Variants in STAG1 observed in about 807,000 individuals in gnomAD.
The protein encoded by STAG1 is cohesin subunit SA-1.
A neutral mutation model predicts 170.9 loss-of-function variants in STAG1; 26 were observed. The observed-to-expected ratio is 0.15, with a 90% CI of 0.11 to 0.21. STAG1 has a LOEUF of 0.21. Ranked by LOEUF, STAG1 falls within the 10% of genes least tolerant of loss-of-function variation. The pLI is 1.00. For synonymous variants in STAG1, 514 were observed against 497.7 expected (o/e 1.03, Z -0.44); for missense variants, 964 against 1,509.5 (o/e 0.64, Z 5.99).
chr3:136,669,436 C>T (rs1414691157), intron 1 of STAG1, among the ~76,000 whole-genome samples: 1 of 152,158 alleles, frequency 6.6e-6, no homozygotes. Flanking sequence ...TCACTGCAGC[C>T]TTGAACCCCC....
intron 1 of STAG1, among the ~76,000 whole-genome samples, chr3:136,657,507 T>C (rs922516098): frequency 1.3e-5 from 2 of 152,086 alleles, no homozygotes; most frequent in African/African-American, 4.8e-5. Context: ...ACAGTTCATA[T>C]ATACTCACAT....
At chr3:136,732,190 C>T (rs927092955) in intron 1 of STAG1, among the ~76,000 whole-genome samples, 2 of 145,792 alleles carry the variant, frequency 1.4e-5, no homozygotes, top group Admixed American at 1.4e-4. Context: ...TGTTCTTCTA[C>T]ACCATGTTGC....
At chr3:136,477,961 T>G (rs1188044121) in intron 9 of STAG1, among the ~76,000 whole-genome samples, 3 of 152,030 alleles carry the variant, frequency 2.0e-5, no homozygotes, top group South Asian at 2.1e-4. Context: ...GAGTAATTTT[T>G]GTATTTTTAG....
chr3:136,490,477 G>T (rs1390554941), intron 9 of STAG1, among the ~76,000 whole-genome samples: 1 of 152,152 alleles, frequency 6.6e-6, no homozygotes, highest in East Asian at 1.9e-4. Flanking sequence ...CAGAGAAGGT[G>T]TATGGCTATC....
chr3:136,617,615 A>G (rs1191804984), intron 3 of STAG1, among the ~76,000 whole-genome samples: 2 of 152,174 alleles, frequency 1.3e-5, no homozygotes, highest in Non-Finnish European at 2.9e-5. Flanking sequence ...TGGTACTTTT[A>G]CTCTCTATTT....
intron 6 of STAG1, among the ~76,000 whole-genome samples, chr3:136,528,076 A>G (rs993850054): frequency 1.3e-5 from 2 of 151,986 alleles, no homozygotes; most frequent in Non-Finnish European, 2.9e-5. Context: ...CAGATCTCAA[A>G]CTCCGTGCTG....
chr3:136,456,370 A>G (rs1392526468), intron 13 of STAG1, among the ~76,000 whole-genome samples: 2 of 152,232 alleles, frequency 1.3e-5, no homozygotes, highest in African/African-American at 4.8e-5. Context: ...AACTGAAGTG[A>G]AAAACTCACT....
intron 1 of STAG1, among the ~76,000 whole-genome samples, chr3:136,665,206 T>A (rs1463658461): frequency 2.0e-5 from 3 of 152,210 alleles, no homozygotes; most frequent in Non-Finnish European, 4.4e-5. Context: ...ATTAAGGACT[T>A]CTGAGCTGAA....
At chr3:136,555,504 T>C (rs2107744306) in intron 5 of STAG1, among the ~76,000 whole-genome samples, 1 of 151,720 alleles carries the variant, frequency 6.6e-6, no homozygotes, top group East Asian at 1.9e-4. Context: ...GCCAATATGG[T>C]GAAACCCTAT....
intron 5 of STAG1, among the ~76,000 whole-genome samples, chr3:136,558,467 G>C (rs1383490955): frequency 3.3e-5 from 5 of 152,154 alleles, no homozygotes; most frequent in African/African-American, 1.2e-4. Context: ...ATTTGTAGAA[G>C]ACTTTACACA....
chr3:136,372,956 C>T (rs564028691), intron 23 of STAG1, among the ~76,000 whole-genome samples: 12 of 152,190 alleles, frequency 7.9e-5, no homozygotes, highest in Admixed American at 2.6e-4. Context: ...TGGTAGAATT[C>T]GGCTGTGAAT....
chr3:136,521,369 A>T lies in STAG1; in HGVS notation c.520T>A (p.Phe174Ile), dbSNP rs1316698327. 1.9e-6 allele frequency: 3 copies of T among 1,613,438 alleles called. No homozygotes were observed. In the African/African-American group the frequency reaches 4.0e-5, roughly 22 times the overall value. The change falls in exon 7 of 34, where the codon TTT (phenylalanine) becomes ATT (isoleucine). Residue 174 changes from phenylalanine (F) to isoleucine (I), a missense_variant. Phe to Ile is a conservative substitution (Grantham distance 21). Around this residue, in one of 11 missense-constraint regions of STAG1, gnomAD observed 40 missense variants for 44.1 expected, o/e 0.91. Transcript: ENST00000383202. ...ATAAATTCACAAAAGTTTGAACGAA[A>T]TTTTTTCCACTGAGGTCCAGGCATG... is the stretch of plus-strand genomic sequence containing the variant. ...LTMPGPQWKK[F>I]RSNFCEFIGV... is the part of the protein sequence containing the mutation.
intron 1 of STAG1, among the ~76,000 whole-genome samples, chr3:136,648,374 T>C (rs1436949333): frequency 1.3e-5 from 2 of 152,230 alleles, no homozygotes; most frequent in Non-Finnish European, 2.9e-5. Flanking sequence ...CCTTTAGTTA[T>C]GTTAGGTAGT....
Position 136,405,231 on chromosome 3 carries a change from C to CTT in STAG1, c.2197-6404_2197-6403dup, listed in dbSNP as rs554475207. ...AATAAATAAACACATGAAAAAACCT[C>CTT]TTTTTTTTTTTTTTTTTTTTTTTTT... On this transcript the variant is annotated intron_variant, in intron 21 of 33. Transcript: ENST00000383202. 9.0e-4 allele frequency among the ~76,000 whole-genome samples: 55 copies of CTT among 60,900 alleles called. 6 individuals are homozygous for CTT. The highest frequency in any genetic ancestry group is 1.7e-3 in the African/African-American group (39 of 22,640). The allele number at this position is 60,900 out of a possible 152,430, so 40.0% of individuals were successfully genotyped here.
intron 1 of STAG1, among the ~76,000 whole-genome samples, chr3:136,683,033 G>T (rs1193167244): frequency 6.6e-5 from 10 of 152,152 alleles, no homozygotes; most frequent in Admixed American, 5.9e-4. Context: ...AATATTATAT[G>T]GTTCTGTTTA....
intron 1 of STAG1, among the ~76,000 whole-genome samples, chr3:136,724,193 C>G (rs74385324): frequency 3.3e-5 from 5 of 151,944 alleles, no homozygotes; most frequent in Non-Finnish European, 2.9e-5. Flanking sequence ...ATTGAGAAAT[C>G]GGATGGTTGC....
chr3:136,514,129 C>T (rs1421683812), intron 7 of STAG1, among the ~76,000 whole-genome samples: 1 of 152,118 alleles, frequency 6.6e-6, no homozygotes, highest in African/African-American at 2.4e-5. Context: ...ATTTTATATA[C>T]ACTGAAAATA....
At chr3:136,434,889 T>A (rs1247716997) in intron 15 of STAG1, among the ~76,000 whole-genome samples, 1 of 152,214 alleles carries the variant, frequency 6.6e-6, no homozygotes, top group Non-Finnish European at 1.5e-5. Context: ...TGGCATTTAT[T>A]TCTGATGATA....
intron 4 of STAG1, among the ~76,000 whole-genome samples, chr3:136,588,583 AC>A (rs541605145): frequency 2.0e-3 from 298 of 151,392 alleles, no homozygotes; most frequent in Admixed American, 3.2e-3. Context: ...CAAGTGATCC[AC>A]CTGCCTTGGC....
Sources: gnomAD v4.1 joint callset for allele counts (sites outside exome capture counted in the v4.1 genomes callset) on GRCh38, gnomAD v4.1.1 for gene constraint, gnomAD v4.1.1 regional missense constraint, MANE v1.5 for transcripts, NCBI Gene and HGNC (gene_info 2026-07-23, HGNC 2026-07-21) for gene names.